Variants in AXIN1 observed in about 807,000 individuals in gnomAD.
AXIN1 encodes axin 1, also known as axin-1.
Under a neutral mutation model 76.4 loss-of-function variants are expected in AXIN1, and 30 were observed. That is an observed-to-expected ratio of 0.39 (90% confidence interval 0.29 to 0.53). The LOEUF (loss-of-function observed/expected upper bound fraction) is 0.53, where lower values mean the gene tolerates loss of function less well. AXIN1 is among the 20% of genes least tolerant of loss of function. The pLI, the probability that AXIN1 is intolerant of heterozygous loss-of-function variation, is 0.66. For missense variants in AXIN1, 1,140 were observed against 1,198.8 expected (o/e 0.95, Z 0.72); for synonymous variants, 545 against 501.4 (o/e 1.09, Z -1.16).
intron 2 of AXIN1, among the ~76,000 whole-genome samples, chr16:324,859 C>T (rs899081203): frequency 3.9e-5 from 6 of 152,232 alleles, no homozygotes; most frequent in Non-Finnish European, 7.3e-5. Context: ...CCGAGTCCCG[C>T]GCAGGGAAAG....
Position 287,660 on chromosome 16 carries a change from C to T in AXIN1, c.*462G>A. 1 of 319,362 alleles carries T rather than the reference C, an allele frequency of 3.1e-6. No homozygotes were observed. The highest frequency in any genetic ancestry group is 5.0e-5 in the East Asian group (1 of 20,004). The allele number at this position is 319,362 out of a possible 1,614,324, so 19.8% of individuals were successfully genotyped here. ...GCTCCGTCGCCGATTCACACAGTGG[C>T]AGGCAAGAGACAAGCTGTGTTGAAG... On this transcript the variant is annotated 3_prime_UTR_variant, in exon 11 of 11. Coordinates refer to ENST00000262320, the MANE Select transcript of AXIN1 (RefSeq NM_003502.4).
intron 2 of AXIN1, among the ~76,000 whole-genome samples, chr16:334,988 T>A (rs2053773733): frequency 6.6e-6 from 1 of 152,114 alleles, no homozygotes; most frequent in African/African-American, 2.4e-5. Context: ...TTAAAAGGAG[T>A]TTCACTTTAC....
intron 2 of AXIN1, 135 bp from the exon 3 acceptor site, chr16:314,818 G>A (rs955880879): frequency 6.2e-5 from 84 of 1,349,188 alleles, no homozygotes; most frequent in Non-Finnish European, 8.3e-5. Flanking sequence ...TAAGGAGCAT[G>A]GAGAAAAGAC....
chr16:326,342 A>C, intron 2 of AXIN1, among the ~76,000 whole-genome samples: 1 of 130,934 alleles, frequency 7.6e-6, no homozygotes, highest in African/African-American at 3.1e-5. Flanking sequence ...CAACAAGAGC[A>C]AAACTCCGTC....
chr16:349,537 G>C (rs1289748688), intron 1 of AXIN1, among the ~76,000 whole-genome samples: 1 of 152,178 alleles, frequency 6.6e-6, no homozygotes, highest in Non-Finnish European at 1.5e-5. Context: ...TAATCAGACA[G>C]TGCTCAGAAG....
intron 5 of AXIN1, among the ~76,000 whole-genome samples, chr16:300,492 G>C (rs1020193057): frequency 2.0e-5 from 3 of 151,938 alleles, no homozygotes; most frequent in African/African-American, 7.3e-5. Flanking sequence ...GAGCCACTGT[G>C]CCCCACCTAC....
intron 2 of AXIN1, among the ~76,000 whole-genome samples, chr16:339,510 C>CA (rs35043577): frequency 0.092 from 6,191 of 67,232 alleles, 282 homozygotes; most frequent in Non-Finnish European, 0.11. Flanking sequence ...GACTCCATCT[C>CA]AAAAAAAAAA....
intron 2 of AXIN1, among the ~76,000 whole-genome samples, chr16:337,963 G>A (rs1266822516): frequency 6.6e-6 from 1 of 152,214 alleles, no homozygotes; most frequent in African/African-American, 2.4e-5. Context: ...TGGAGCTAAT[G>A]GGTTCTGAGA....
At chr16:296,962 G>T in intron 7 of AXIN1, 94 bp downstream of exon 7, 3 of 1,457,030 alleles carry the variant, frequency 2.1e-6, no homozygotes, top group African/African-American at 1.4e-5. Context: ...GGCGACACTC[G>T]CCACACACAC....
chr16:293,556 C>T lies in AXIN1; in HGVS notation c.2118G>A (p.Gln706=), dbSNP rs2052627216. The T allele has an allele frequency of 5.6e-6, 9 of 1,611,908 alleles. No individual in the cohort carries two copies. Among genetic ancestry groups the T allele is most frequent in the Non-Finnish European group, 7.6e-6 (9 of 1,179,960 alleles). ...CCAGACGTCGGCGCGCCTCCTCCAG[C>T]TGGGTTAGGGGGTTGGGAGCTGGGT... is the stretch of plus-strand genomic sequence containing the variant. ...PPHPAPNPLT[Q]LEEARRRLEE... Residue 706 remains glutamine (Q), a synonymous_variant, in exon 8 of 11, where the codon CAG becomes CAA. Coordinates refer to ENST00000262320, the MANE Select transcript of AXIN1 (RefSeq NM_003502.4). The surrounding 1 kb of genome is among the most constrained non-coding windows in gnomAD (Gnocchi z 4.6).
At chr16:307,897 T>G (rs947787652) in intron 4 of AXIN1, among the ~76,000 whole-genome samples, 1 of 152,184 alleles carries the variant, frequency 6.6e-6, no homozygotes, top group South Asian at 2.1e-4. Flanking sequence ...GTAGCAGCAG[T>G]GAGCAGGCCC....
intron 2 of AXIN1, among the ~76,000 whole-genome samples, chr16:337,298 G>T (rs1359250114): frequency 6.6e-6 from 1 of 151,330 alleles, no homozygotes; most frequent in Non-Finnish European, 1.5e-5. Flanking sequence ...ATAGGAATTT[G>T]GAAAATACAG....
At chr16:336,033 GAGACC>G (rs1383245732) in intron 2 of AXIN1, among the ~76,000 whole-genome samples, 1 of 152,090 alleles carries the variant, frequency 6.6e-6, no homozygotes, top group Admixed American at 6.5e-5. Context: ...TCAGGAGTTC[GAGACC>G]AGCCTGGCCA....
intron 2 of AXIN1, among the ~76,000 whole-genome samples, chr16:326,354 C>CAAAAAAAAA (rs1187459071): frequency 1.6e-5 from 1 of 64,178 alleles, no homozygotes; most frequent in African/African-American, 6.6e-5. Context: ...AACTCCGTCT[C>CAAAAAAAAA]AAAAAAAAAA....
chr16:338,879 C>T (rs12921353), intron 2 of AXIN1, among the ~76,000 whole-genome samples: 17,660 of 151,046 alleles, frequency 0.12, 1,312 homozygotes, highest in South Asian at 0.23. Flanking sequence ...GCTGAGATCG[C>T]GCCATTGCAC....
At chr16:321,568 C>G (rs896435215) in intron 2 of AXIN1, among the ~76,000 whole-genome samples, 2 of 152,258 alleles carry the variant, frequency 1.3e-5, no homozygotes, top group African/African-American at 4.8e-5. Flanking sequence ...CCTCTCATAG[C>G]TGGGAATACG....
intron 1 of AXIN1, among the ~76,000 whole-genome samples, chr16:351,902 G>A (rs1232668712): frequency 6.6e-6 from 1 of 152,142 alleles, no homozygotes; most frequent in Non-Finnish European, 1.5e-5. Flanking sequence ...GCGGGGCGGG[G>A]GTAGAATCTA....
chr16:351,666 G>C (rs2054146425), intron 1 of AXIN1, among the ~76,000 whole-genome samples: 1 of 151,938 alleles, frequency 6.6e-6, no homozygotes, highest in Admixed American at 6.6e-5. Context: ...CAACACCTTG[G>C]AAGGCTGAGG....
chr16:350,528 G>A (rs1185976241), intron 1 of AXIN1, among the ~76,000 whole-genome samples: 2 of 152,170 alleles, frequency 1.3e-5, no homozygotes, highest in African/African-American at 4.8e-5. Context: ...CTACCTACGT[G>A]TGTAGGTATT....
Sources: gnomAD v4.1 joint callset for allele counts (sites outside exome capture counted in the v4.1 genomes callset) on GRCh38, gnomAD v4.1.1 for gene constraint, Gnocchi (gnomAD v3.1) non-coding constraint, MANE v1.5 for transcripts, NCBI Gene and HGNC (gene_info 2026-07-23, HGNC 2026-07-21) for gene names.